The following EIF4ENIF1 variants were observed in gnomAD, a reference collection of about 807,000 sequenced individuals.
EIF4ENIF1 encodes the protein eukaryotic translation initiation factor 4E transporter.
In EIF4ENIF1, 23 loss-of-function variants were observed where a neutral mutation model predicts 110.5. The observed-to-expected ratio is 0.21, with a 90% CI of 0.15 to 0.29. The LOEUF is 0.29. Ranked by LOEUF, EIF4ENIF1 falls within the 10% of genes least tolerant of loss-of-function variation. EIF4ENIF1 has a pLI of 1.00. For missense variants in EIF4ENIF1, 1,031 were observed against 1,221.1 expected, an observed-to-expected ratio of 0.84 and a Z score of 2.32; for synonymous variants, 440 against 437.0, an observed-to-expected ratio of 1.01 and a Z score of -0.09.
chr22:31,442,266 G>A (rs1041783890), intron 16 of EIF4ENIF1, 148 bp from the exon 17 acceptor site: 23 of 656,624 alleles, frequency 3.5e-5, no homozygotes, highest in African/African-American at 1.1e-4. Context: ...AGGAACCATC[G>A]TTTGCTTCAT....
At chr22:31,485,734 G>A (rs1045336605) in intron 2 of EIF4ENIF1, among the ~76,000 whole-genome samples, 64 of 152,082 alleles carry the variant, frequency 4.2e-4, no homozygotes, top group African/African-American at 1.5e-3. Flanking sequence ...AACCCGGGAA[G>A]CGGAGGTTGC....
intron 9 of EIF4ENIF1, among the ~76,000 whole-genome samples, chr22:31,454,784 T>C (rs1834579494): frequency 6.6e-6 from 1 of 152,272 alleles, no homozygotes; most frequent in South Asian, 2.1e-4. Context: ...TGAGAATTTA[T>C]AGCCTAAGCA....
In EIF4ENIF1 at chr22:31,464,723, TATA is replaced by T. The variant is rs1569088931; in HGVS notation, c.299-759_299-757del. On this transcript the variant is annotated intron_variant, in intron 4 of 18. Coordinates refer to ENST00000330125, the MANE Select transcript of EIF4ENIF1 (RefSeq NM_019843.4). ...AAATATATATATATATATATATATATATAAACAGATATATACAAAAATTAATTC... is the reference window on the plus strand; with the variant it reads ...AAATATATATATATATATATATATATAACAGATATATACAAAAATTAATTC... Among the ~76,000 whole-genome samples, 149 of 92,978 alleles carry T rather than the reference TATA, an allele frequency of 1.6e-3. 21 individuals carry two copies. Among genetic ancestry groups the T allele is most frequent in the East Asian group, 6.8e-3 (26 of 3,838 alleles). The allele number at this position is 92,978 out of a possible 152,430, so 61.0% of individuals were successfully genotyped here. A position where few individuals can be genotyped will look rare whatever the true frequency, so the allele number is the denominator to read the frequency against.
chr22:31,477,365 AAAAAAAAAAC>A (rs2051617353), intron 2 of EIF4ENIF1, among the ~76,000 whole-genome samples: 3 of 139,878 alleles, frequency 2.1e-5, no homozygotes, highest in Admixed American at 7.2e-5. Context: ...TCCAAAAAAA[AAAAAAAAAAC>A]AAAAAAAACA....
chr22:31,464,342 T>C, intron 4 of EIF4ENIF1: 1 of 204,530 alleles, frequency 4.9e-6, no homozygotes, highest in Non-Finnish European at 9.9e-6. Context: ...TTCAACAAAA[T>C]GGTGTTGAAC....
At chr22:31,452,899 C>A (rs944810544) in intron 10 of EIF4ENIF1, among the ~76,000 whole-genome samples, 4 of 152,126 alleles carry the variant, frequency 2.6e-5, no homozygotes, top group Non-Finnish European at 5.9e-5. Context: ...AATAATGGAA[C>A]CTCTGTCTGT....
At position 31,452,224 on chromosome 22, in the gene EIF4ENIF1, T is replaced by C. The variant is rs993708165; in HGVS notation, c.1513-1864A>G. ...ATAGTATACAAAACATACACAGCAG[T>C]AGTAATTAAAGACACCGAATTCAAA... On this transcript the variant is annotated intron_variant, in intron 10 of 18. Transcript: ENST00000330125. 1.1e-4 allele frequency among the ~76,000 whole-genome samples: 16 copies of C among 152,178 alleles called. No individual in the cohort carries two copies. The East Asian group carries it at 2.9e-3, about 27-fold the overall frequency.
chr22:31,440,476 GA>G (rs1373488695), intron 18 of EIF4ENIF1, among the ~76,000 whole-genome samples: 1 of 152,176 alleles, frequency 6.6e-6, no homozygotes, highest in African/African-American at 2.4e-5. Flanking sequence ...ACAGGCAAAG[GA>G]AAAAGCCAGA....
At chr22:31,486,282 AAT>A (rs869293011) in intron 2 of EIF4ENIF1, among the ~76,000 whole-genome samples, 13 of 2,344 alleles carry the variant, frequency 5.5e-3, no homozygotes, top group African/African-American at 0.022. Flanking sequence ...AAAAAAAAAA[AAT>A]AAAAATAAAA....
At chr22:31,466,496 C>T (rs1027349066) in intron 4 of EIF4ENIF1, among the ~76,000 whole-genome samples, 1 of 151,494 alleles carries the variant, frequency 6.6e-6, no homozygotes, top group South Asian at 2.1e-4. Context: ...GCAAGACAAT[C>T]GCTTTAACCT....
chr22:31,458,553 A>G lies in EIF4ENIF1; in HGVS notation c.885T>C (p.Ala295=), dbSNP rs754491127. The change falls in exon 7 of 19, where the codon GCT becomes GCC. Residue 295 remains alanine (A), a synonymous_variant. Coordinates refer to ENST00000330125, the MANE Select transcript of EIF4ENIF1 (RefSeq NM_019843.4). Reference sequence around the variant, plus strand: ...CTCCTGGGGACTGCTCAGGCAAGACAGCATCCCTTGGCACTTCCTGATCAG... The same window carrying G: ...CTCCTGGGGACTGCTCAGGCAAGACGGCATCCCTTGGCACTTCCTGATCAG... The part of the protein sequence containing the change: ...PAADQEVPRD[A]VLPEQSPGDF... 2.5e-6 allele frequency: 4 copies of G among 1,613,984 alleles called. No homozygotes were observed. The highest frequency in any genetic ancestry group is 2.5e-6 in the Non-Finnish European group (3 of 1,179,882).
At chr22:31,470,380 A>G (rs1037311006) in intron 3 of EIF4ENIF1, among the ~76,000 whole-genome samples, 1 of 150,960 alleles carries the variant, frequency 6.6e-6, no homozygotes, top group South Asian at 2.1e-4. Flanking sequence ...TCCCGGGTTC[A>G]AGCGATTCTC....
chr22:31,443,104 A>C lies in EIF4ENIF1; in HGVS notation c.2074-10T>G, dbSNP rs924639388. Reference sequence around the variant, plus strand: ...TAAAGGAAGGAGAAAGCTGCAGAGAAAAACAATTGGCATTAGCACATTCTC... The same window carrying C: ...TAAAGGAAGGAGAAAGCTGCAGAGACAAACAATTGGCATTAGCACATTCTC... On this transcript the variant is annotated splice_polypyrimidine_tract_variant and intron_variant, in intron 15 of 18. Coordinates refer to ENST00000330125, the MANE Select transcript of EIF4ENIF1 (RefSeq NM_019843.4). 6 of 1,613,484 alleles carry C rather than the reference A, an allele frequency of 3.7e-6. No homozygotes were observed. The highest frequency in any genetic ancestry group is 5.1e-6 in the Non-Finnish European group (6 of 1,179,896).
intron 6 of EIF4ENIF1, among the ~76,000 whole-genome samples, chr22:31,462,709 G>A (rs562874751): frequency 4.6e-4 from 70 of 151,988 alleles, no homozygotes; most frequent in African/African-American, 1.7e-3. Flanking sequence ...TCAGCCTCCC[G>A]AGTAGCTGGG....
chr22:31,483,329 A>G (rs2051899481), intron 2 of EIF4ENIF1, among the ~76,000 whole-genome samples: 1 of 147,528 alleles, frequency 6.8e-6, no homozygotes, highest in Admixed American at 7.0e-5. Context: ...TCCCCTGTGT[A>G]GCTGAGACTA....
At chr22:31,442,828 A>C (rs2050344997) in intron 16 of EIF4ENIF1, 134 bp downstream of exon 16, 1 of 1,210,246 alleles carries the variant, frequency 8.3e-7, no homozygotes, top group East Asian at 2.4e-5. Flanking sequence ...TCTCACTGAC[A>C]CAGAACCATA....
At chr22:31,449,760 T>C (rs1388036588) in intron 11 of EIF4ENIF1, among the ~76,000 whole-genome samples, 2 of 150,408 alleles carry the variant, frequency 1.3e-5, no homozygotes, top group Admixed American at 6.7e-5. Flanking sequence ...AGACAGAGTC[T>C]CACTCTATCA....
chr22:31,464,735 TA>T lies in EIF4ENIF1; in HGVS notation c.299-769del, dbSNP rs2051130349. On this transcript the variant is annotated intron_variant, in intron 4 of 18. Coordinates refer to ENST00000330125, the MANE Select transcript of EIF4ENIF1 (RefSeq NM_019843.4). Reference sequence around the variant, plus strand: ...ATATATATATATATATAAACAGATATATACAAAAATTAATTCAAAATGGATC... The same window carrying T: ...ATATATATATATATATAAACAGATATTACAAAAATTAATTCAAAATGGATC... Among the ~76,000 whole-genome samples the T allele has an allele frequency of 3.9e-5, 4 of 102,626 alleles. No homozygotes were observed. The South Asian group carries it at 1.3e-3, about 34-fold the overall frequency. The allele number at this position is 102,626 out of a possible 152,430, so 67.3% of individuals were successfully genotyped here. A position where few individuals can be genotyped will look rare whatever the true frequency, so the allele number is the denominator to read the frequency against.
At chr22:31,442,297 T>C (rs973971191) in intron 16 of EIF4ENIF1, among the ~76,000 whole-genome samples, 179 bp from the exon 17 acceptor site, 15 of 152,190 alleles carry the variant, frequency 9.9e-5, no homozygotes, top group African/African-American at 3.4e-4. Context: ...AGAAGATGAA[T>C]TGTTGGGCAC....
Sources: gnomAD v4.1 joint callset for allele counts (sites outside exome capture counted in the v4.1 genomes callset) on GRCh38, gnomAD v4.1.1 for gene constraint, MANE v1.5 for transcripts, NCBI Gene and HGNC (gene_info 2026-07-23, HGNC 2026-07-21) for gene names.